ATP8A2: variants seen among roughly 807,000 people sequenced by gnomAD.
ATP8A2 encodes phospholipid-transporting ATPase IB.
A neutral mutation model predicts 165.6 loss-of-function variants in ATP8A2; 100 were observed. The observed-to-expected ratio is 0.60, with a 90% CI of 0.51 to 0.71. ATP8A2 has a LOEUF of 0.71. ATP8A2 is among the 30% of genes least tolerant of loss of function. The pLI, the probability that ATP8A2 is intolerant of heterozygous loss-of-function variation, is 0.00. For missense variants in ATP8A2, 1,227 were observed against 1,479.5 expected, an observed-to-expected ratio of 0.83 and a Z score of 2.80; for synonymous variants, 543 against 548.8, an observed-to-expected ratio of 0.99 and a Z score of 0.15.
At chr13:25,749,938 A>T (rs1263961150) in intron 25 of ATP8A2, among the ~76,000 whole-genome samples, 3 of 152,128 alleles carry the variant, frequency 2.0e-5, no homozygotes, top group African/African-American at 7.2e-5. Context: ...GAGATGGGGG[A>T]TTGCTTCAGC....
At chr13:25,559,608 C>A in intron 14 of ATP8A2, 113 bp from the exon 15 acceptor site, 1 of 799,800 alleles carries the variant, frequency 1.3e-6, no homozygotes, top group South Asian at 1.5e-5. Context: ...GTAAGAAGTC[C>A]CTGAGAATCT....
At chr13:25,839,122 GC>G (rs1161071175) in intron 29 of ATP8A2, among the ~76,000 whole-genome samples, 1 of 152,146 alleles carries the variant, frequency 6.6e-6, no homozygotes, top group East Asian at 1.9e-4. Flanking sequence ...CATCCCATCT[GC>G]CCCGACACAG....
At chr13:25,611,613 TG>T (rs1165378097) in intron 24 of ATP8A2, among the ~76,000 whole-genome samples, 1 of 152,146 alleles carries the variant, frequency 6.6e-6, no homozygotes, top group Non-Finnish European at 1.5e-5. Flanking sequence ...TTTCTCTTTT[TG>T]TTATGTCCTT....
At chr13:25,619,313 A>G (rs891920492) in intron 24 of ATP8A2, among the ~76,000 whole-genome samples, 1 of 152,208 alleles carries the variant, frequency 6.6e-6, no homozygotes, top group Non-Finnish European at 1.5e-5. Context: ...ATATGGACTC[A>G]GGACCCTCAG....
At chr13:25,551,622 A>C in intron 11 of ATP8A2, 119 bp downstream of exon 11, 1 of 881,946 alleles carries the variant, frequency 1.1e-6, no homozygotes, top group Non-Finnish European at 1.7e-6. Flanking sequence ...GTTACTGTAC[A>C]TAATGCCAGC....
At chr13:25,565,212 T>A (rs1208832394) in intron 16 of ATP8A2, among the ~76,000 whole-genome samples, 2 of 152,196 alleles carry the variant, frequency 1.3e-5, no homozygotes, top group Non-Finnish European at 2.9e-5. Flanking sequence ...TAAACATGTG[T>A]GTGCAAGTAT....
At chr13:25,454,297 C>T (rs1428701315) in intron 1 of ATP8A2, among the ~76,000 whole-genome samples, 2 of 152,286 alleles carry the variant, frequency 1.3e-5, no homozygotes, top group East Asian at 3.9e-4. Flanking sequence ...TGTCATTATT[C>T]AAATCAAACT....
chr13:25,761,318 C>G (rs1472303883), intron 25 of ATP8A2, among the ~76,000 whole-genome samples: 3 of 152,154 alleles, frequency 2.0e-5, no homozygotes, highest in Non-Finnish European at 4.4e-5. Flanking sequence ...TGTTTTATCA[C>G]CAATAATGAG....
At chr13:25,630,181 T>C (rs2041206473) in intron 24 of ATP8A2, among the ~76,000 whole-genome samples, 1 of 152,190 alleles carries the variant, frequency 6.6e-6, no homozygotes, top group Non-Finnish European at 1.5e-5. Flanking sequence ...GACCATATGG[T>C]CACATAAACC....
chr13:25,728,074 G>A (rs185378149), intron 25 of ATP8A2, among the ~76,000 whole-genome samples: 7 of 152,262 alleles, frequency 4.6e-5, no homozygotes, highest in Middle Eastern at 3.4e-3. Flanking sequence ...CAGCTTGCAC[G>A]TGGCTCATCT....
rs184669448 is a variant in ATP8A2, at chr13:25,597,438, C to T, written c.2211+7739C>T. The stretch of plus-strand genomic sequence containing the variant: ...GCAGATTGGAGTGAGAGACTTTTCT[C>T]CATTGATGGCTTTAATAAGTAACTG... On this transcript the variant is annotated intron_variant, in intron 24 of 36. Coordinates refer to ENST00000381655, the MANE Select transcript of ATP8A2 (RefSeq NM_016529.6). Among the ~76,000 whole-genome samples the T allele has an allele frequency of 2.7e-4, 41 of 152,294 alleles. No individual in the cohort carries two copies. The East Asian group carries it at 7.1e-3, about 26-fold the overall frequency.
intron 1 of ATP8A2, among the ~76,000 whole-genome samples, chr13:25,380,617 A>G (rs2032801937): frequency 6.6e-6 from 1 of 152,188 alleles, no homozygotes. Context: ...GTACTTTTTT[A>G]GTGCAGCTGC....
chr13:25,611,282 G>A (rs931585950), intron 24 of ATP8A2, among the ~76,000 whole-genome samples: 6 of 151,884 alleles, frequency 4.0e-5, no homozygotes, highest in African/African-American at 1.5e-4. Context: ...TTTGACTGTG[G>A]GTTTGTCATA....
At chr13:25,388,790 T>C (rs1403978606) in intron 1 of ATP8A2, among the ~76,000 whole-genome samples, 4 of 152,064 alleles carry the variant, frequency 2.6e-5, no homozygotes, top group African/African-American at 9.7e-5. Context: ...AGGAGGGAGC[T>C]AAACACGGGA....
intron 33 of ATP8A2, among the ~76,000 whole-genome samples, chr13:25,881,653 C>G (rs1437386801): frequency 6.6e-6 from 1 of 151,840 alleles, no homozygotes; most frequent in Admixed American, 6.6e-5. Flanking sequence ...TACCTTACAG[C>G]TTGATAAGAA....
chr13:25,497,826 G>C (rs1332101027), intron 2 of ATP8A2, among the ~76,000 whole-genome samples: 1 of 151,980 alleles, frequency 6.6e-6, no homozygotes, highest in Non-Finnish European at 1.5e-5. Flanking sequence ...GCTGGGTGTG[G>C]GGGCAGGCAC....
At chr13:25,849,705 C>T (rs1220930745) in intron 30 of ATP8A2, among the ~76,000 whole-genome samples, 2 of 152,108 alleles carry the variant, frequency 1.3e-5, no homozygotes, top group Non-Finnish European at 2.9e-5. Flanking sequence ...TTTGGCTAAT[C>T]CTATGTTAGT....
At chr13:25,821,744 C>G (rs1951186728) in intron 27 of ATP8A2, among the ~76,000 whole-genome samples, 1 of 152,114 alleles carries the variant, frequency 6.6e-6, no homozygotes, top group South Asian at 2.1e-4. Flanking sequence ...GTAGAGAGCT[C>G]TTCTGGGCCT....
At chr13:25,628,543 T>C (rs1156648934) in intron 24 of ATP8A2, among the ~76,000 whole-genome samples, 4 of 151,998 alleles carry the variant, frequency 2.6e-5, no homozygotes, top group Non-Finnish European at 5.9e-5. Flanking sequence ...TCTTCTAGGC[T>C]GCTATGACAA....
Sources: allele counts gnomAD v4.1 joint callset (sites outside exome capture counted in the v4.1 genomes callset), GRCh38; gene constraint gnomAD v4.1.1; transcripts MANE v1.5; gene names NCBI Gene and HGNC (gene_info 2026-07-23, HGNC 2026-07-21).